Variants in ITCH observed in about 807,000 individuals in gnomAD.
ITCH encodes the protein itchy E3 ubiquitin protein ligase.
ITCH carries 28 observed loss-of-function variants against 126.8 expected under a neutral mutation model. That is an observed-to-expected ratio of 0.22 (90% CI 0.16 to 0.30). The LOEUF is 0.30. Ranked by LOEUF, ITCH falls within the 10% of genes least tolerant of loss-of-function variation. The pLI is 1.00. For synonymous variants in ITCH, 342 were observed against 340.0 expected (o/e 1.01, Z -0.06); for missense variants, 631 against 1,032.4 (o/e 0.61, Z 5.33).
chr20:34,424,543 G>T lies in ITCH; in HGVS notation c.521+18G>T. On this transcript the variant is annotated intron_variant, in intron 7 of 24. Transcript: ENST00000374864. ...GAAACAAGGTAAGCATTCACTGATT[G>T]CTTACCACAGAATGCGGAGAGATAG... The T allele has an allele frequency of 6.2e-7, 1 of 1,600,236 alleles. No individual in the cohort carries two copies. Among genetic ancestry groups the T allele is most frequent in the Non-Finnish European group, 8.6e-7 (1 of 1,167,412 alleles).
chr20:34,486,370 G>A (rs1396699711), intron 20 of ITCH, among the ~76,000 whole-genome samples: 1 of 148,724 alleles, frequency 6.7e-6, no homozygotes, highest in Non-Finnish European at 1.5e-5. Flanking sequence ...CTGTCGCCCA[G>A]GCTGGAGTGC....
At chr20:34,500,560 G>A (rs1053275041) in intron 23 of ITCH, among the ~76,000 whole-genome samples, 3 of 151,986 alleles carry the variant, frequency 2.0e-5, no homozygotes, top group East Asian at 1.9e-4. Flanking sequence ...TGTCTTTACG[G>A]GTAAAGCAAG....
chr20:34,438,655 T>C, intron 8 of ITCH, 24 bp downstream of exon 8: 7 of 1,612,962 alleles, frequency 4.3e-6, no homozygotes, highest in Non-Finnish European at 5.9e-6. Context: ...CTCTCAATAC[T>C]CTTGGAAATA....
intron 20 of ITCH, among the ~76,000 whole-genome samples, chr20:34,482,148 G>A (rs983042232): frequency 1.4e-4 from 22 of 152,160 alleles, no homozygotes; most frequent in Admixed American, 1.3e-3. Flanking sequence ...ACAACACATG[G>A]GAATTATGGG....
chr20:34,488,357 T>C (rs753238852), intron 20 of ITCH, among the ~76,000 whole-genome samples: 3 of 152,222 alleles, frequency 2.0e-5, no homozygotes, highest in Non-Finnish European at 2.9e-5. Context: ...CATGTTTTTA[T>C]GATTTATGTT....
chr20:34,378,511 AAG>A lies in ITCH; in HGVS notation c.-22+9043_-22+9044del, dbSNP rs1433770990. Reference sequence around the variant, plus strand: ...AAAAAAAAAGATGTAAAAAAAAAAAAAGAATATCTGAGATATAGCAAAGTTTT... The same window carrying A: ...AAAAAAAAAGATGTAAAAAAAAAAAAAATATCTGAGATATAGCAAAGTTTT... On this transcript the variant is annotated intron_variant, in intron 2 of 24. Coordinates refer to ENST00000374864, the MANE Select transcript of ITCH (RefSeq NM_031483.7). Among the ~76,000 whole-genome samples, 7 of 151,504 alleles carry A rather than the reference AAG, an allele frequency of 4.6e-5. No homozygotes were observed. In the East Asian group the frequency reaches 1.3e-3, roughly 29 times the overall value.
chr20:34,408,908 T>TTA, intron 4 of ITCH, 116 bp downstream of exon 4: 1 of 1,069,256 alleles, frequency 9.4e-7, no homozygotes. Flanking sequence ...CCTTTCTCTC[T>TTA]TCTTTTTTTT....
chr20:34,500,110 C>T (rs1990155658), intron 23 of ITCH, among the ~76,000 whole-genome samples: 1 of 152,112 alleles, frequency 6.6e-6, no homozygotes, highest in Non-Finnish European at 1.5e-5. Flanking sequence ...GTGGTTTCCC[C>T]AGGAGAATGT....
chr20:34,375,696 A>ATTTTTTTTTTTTTTTTT (rs5841171), intron 2 of ITCH, among the ~76,000 whole-genome samples: 10 of 65,554 alleles, frequency 1.5e-4, no homozygotes, highest in East Asian at 5.2e-4. Flanking sequence ...GGTAGTTAAA[A>ATTTTTTTTTTTTTTTTT]TTTTTTTTTT....
At chr20:34,456,599 C>T (rs1172440829) in intron 12 of ITCH, among the ~76,000 whole-genome samples, 12 of 144,074 alleles carry the variant, frequency 8.3e-5, no homozygotes, top group Non-Finnish European at 1.5e-4. Context: ...CGCCACTGCA[C>T]TCCAGCCAGG....
chr20:34,476,446 A>AGCAGCCGGGCGCCCC (rs1988238924), intron 16 of ITCH: 1 of 1,218,880 alleles, frequency 8.2e-7, no homozygotes, highest in African/African-American at 1.6e-5. Flanking sequence ...AGCGGCGCGC[A>AGCAGCCGGGCGCCCC]GCAGCCGGGC....
At chr20:34,471,021 A>G (rs560267577) in intron 15 of ITCH, among the ~76,000 whole-genome samples, 6 of 152,302 alleles carry the variant, frequency 3.9e-5, no homozygotes, top group South Asian at 2.1e-4. Flanking sequence ...TTTCTTATGT[A>G]TAGATATTTA....
In ITCH at chr20:34,424,177, A is replaced by T. The variant is rs556856825; in HGVS notation, c.476-303A>T. Among the ~76,000 whole-genome samples, 29 of 152,298 alleles carry T rather than the reference A, an allele frequency of 1.9e-4. 1 individual carries two copies. The highest frequency in any genetic ancestry group is 6.7e-4 in the African/African-American group (28 of 41,550). ...AAAGATGGTTAAAACACTAGGTTTA[A>T]ATTAGAGTTAGACATATTTCAAAAA... On this transcript the variant is annotated intron_variant, in intron 6 of 24. Coordinates refer to ENST00000374864, the MANE Select transcript of ITCH (RefSeq NM_031483.7).
At chr20:34,432,048 C>CAA (rs10668679) in intron 7 of ITCH, among the ~76,000 whole-genome samples, 42,495 of 91,684 alleles carry the variant, frequency 0.46, 8,710 homozygotes, top group Non-Finnish European at 0.53. Context: ...GATTCTATGT[C>CAA]AAAAAAAAAA....
intron 20 of ITCH, among the ~76,000 whole-genome samples, chr20:34,486,669 A>T (rs1261201268): frequency 6.7e-6 from 1 of 149,350 alleles, no homozygotes; most frequent in Non-Finnish European, 1.5e-5. Context: ...TATTTATTTT[A>T]TTTATTTATT....
At chr20:34,383,362 AT>A (rs34783163) in intron 2 of ITCH, among the ~76,000 whole-genome samples, 53,947 of 109,458 alleles carry the variant, frequency 0.49, 12,051 homozygotes, top group African/African-American at 0.57. Context: ...GGCTTGATAG[AT>A]TTTTTTTTTT....
At chr20:34,479,309 C>T (rs1988516264) in intron 17 of ITCH, among the ~76,000 whole-genome samples, 1 of 152,110 alleles carries the variant, frequency 6.6e-6, no homozygotes, top group Non-Finnish European at 1.5e-5. Context: ...CTAATATTTT[C>T]ATTTTATAAT....
chr20:34,366,724 A>G (rs2037435905), intron 1 of ITCH, among the ~76,000 whole-genome samples: 1 of 152,084 alleles, frequency 6.6e-6, no homozygotes. Context: ...GAAAAAAAAA[A>G]GAAATAGATG....
chr20:34,370,424 G>T (rs6059786), intron 2 of ITCH, among the ~76,000 whole-genome samples: 6 of 152,194 alleles, frequency 3.9e-5, no homozygotes, highest in African/African-American at 1.4e-4. Context: ...CTTTGTTTGG[G>T]AGGCCAAGGT....
Sources: allele counts gnomAD v4.1 joint callset (sites outside exome capture counted in the v4.1 genomes callset), GRCh38; gene constraint gnomAD v4.1.1; transcripts MANE v1.5; gene names NCBI Gene and HGNC (gene_info 2026-07-23, HGNC 2026-07-21).